ARHGAP22: variants seen among roughly 807,000 people sequenced by gnomAD.
ARHGAP22 encodes the protein rho GTPase-activating protein 22.
Under a neutral mutation model 59.1 loss-of-function variants are expected in ARHGAP22, and 48 were observed. That is an observed-to-expected ratio of 0.81 (90% CI 0.64 to 1.03). The LOEUF is 1.03. Among genes scored for constraint, ARHGAP22 ranks in the 50% least tolerant of loss-of-function variants. The pLI is 0.00. For synonymous variants in ARHGAP22, 445 were observed against 416.4 expected (o/e 1.07, Z -0.84); for missense variants, 1,015 against 958.7 (o/e 1.06, Z -0.78).
At chr10:48,595,480 GC>G (rs1039336465) in intron 1 of ARHGAP22, among the ~76,000 whole-genome samples, 2 of 152,102 alleles carry the variant, frequency 1.3e-5, no homozygotes, top group Non-Finnish European at 2.9e-5. Flanking sequence ...GTTCTTGAGT[GC>G]CCCTACTTTT....
the ARHGAP22 span, chr10:48,430,877 G>T: frequency 2.7e-6 from 1 of 370,032 alleles, no homozygotes; most frequent in Non-Finnish European, 4.9e-6. Flanking sequence ...AATGGTATGT[G>T]GTATGATGTG....
chr10:48,484,694 T>G (rs927430357), intron 3 of ARHGAP22, among the ~76,000 whole-genome samples: 2 of 152,250 alleles, frequency 1.3e-5, no homozygotes, highest in African/African-American at 4.8e-5. Context: ...CTTTACTAGT[T>G]TGTGTCTTTC....
At chr10:48,596,314 GAC>G (rs140310030) in intron 1 of ARHGAP22, among the ~76,000 whole-genome samples, 2,688 of 152,310 alleles carry the variant, frequency 0.018, 104 homozygotes, top group East Asian at 0.13. Context: ...GGAGACGCAA[GAC>G]ACACACCTGC....
intron 2 of ARHGAP22, among the ~76,000 whole-genome samples, chr10:48,561,690 A>G (rs2057696863): frequency 1.3e-5 from 2 of 152,238 alleles, no homozygotes; most frequent in Admixed American, 1.3e-4. Flanking sequence ...TAAACAGATA[A>G]TTACTATAGA....
chr10:48,600,750 T>A (rs1260567742), intron 1 of ARHGAP22, among the ~76,000 whole-genome samples: 1 of 152,170 alleles, frequency 6.6e-6, no homozygotes, highest in Non-Finnish European at 1.5e-5. Flanking sequence ...CTTGGTTCTC[T>A]CCATGGGGTG....
intron 3 of ARHGAP22, among the ~76,000 whole-genome samples, chr10:48,519,039 G>A (rs1412802896): frequency 6.6e-6 from 1 of 152,222 alleles, no homozygotes; most frequent in Non-Finnish European, 1.5e-5. Context: ...GAGTTTGCCA[G>A]CCAGAGGGCC....
chr10:48,467,169 C>G (rs1158764111), intron 4 of ARHGAP22, among the ~76,000 whole-genome samples: 1 of 152,248 alleles, frequency 6.6e-6, no homozygotes, highest in Non-Finnish European at 1.5e-5. Flanking sequence ...CCTGAGCAGT[C>G]TGAGGGGTAT....
chr10:48,489,097 T>C (rs1328728974), intron 3 of ARHGAP22, among the ~76,000 whole-genome samples: 1 of 152,238 alleles, frequency 6.6e-6, no homozygotes, highest in Admixed American at 6.5e-5. Context: ...TTTTCTTTTT[T>C]CTTTCTTTTC....
intron 3 of ARHGAP22, chr10:48,524,018 G>A: frequency 4.1e-6 from 6 of 1,454,298 alleles, no homozygotes; most frequent in East Asian, 2.9e-5. Flanking sequence ...GGCGGCGGCC[G>A]CAGGGAGCGG....
chr10:48,595,207 A>AGAAGTCCATGTCCCTACAAAGGATAT (rs1281306375), intron 1 of ARHGAP22, among the ~76,000 whole-genome samples: 1 of 152,232 alleles, frequency 6.6e-6, no homozygotes, highest in Non-Finnish European at 1.5e-5. Context: ...ATTGATTTAT[A>AGAAGTCCATGTCCCTACAAAGGATAT]GAAGTCAATG....
At chr10:48,576,142 C>T (rs191366412) in intron 2 of ARHGAP22, among the ~76,000 whole-genome samples, 25 of 152,348 alleles carry the variant, frequency 1.6e-4, no homozygotes, top group South Asian at 8.3e-4. Context: ...CTATGCCCTA[C>T]GTCAGAGACT....
At chr10:48,575,930 T>C (rs1373795) in intron 2 of ARHGAP22, among the ~76,000 whole-genome samples, 81,483 of 152,044 alleles carry the variant, frequency 0.54, 22,839 homozygotes, top group East Asian at 0.97. Flanking sequence ...CTGGTCCTGG[T>C]CAGCCCCTAT....
intron 1 of ARHGAP22, among the ~76,000 whole-genome samples, chr10:48,611,057 C>T (rs1370617839): frequency 6.6e-6 from 1 of 152,204 alleles, no homozygotes; most frequent in East Asian, 1.9e-4. Flanking sequence ...CTCTTTGATC[C>T]ACTTGGACAA....
intron 1 of ARHGAP22, among the ~76,000 whole-genome samples, chr10:48,641,426 C>A (rs1329741399): frequency 1.3e-5 from 2 of 152,114 alleles, no homozygotes; most frequent in African/African-American, 4.8e-5. Context: ...CCCTGGGATG[C>A]AAGGCTGGTT....
chr10:48,462,238 C>T (rs1245656348), intron 4 of ARHGAP22, among the ~76,000 whole-genome samples: 1 of 93,098 alleles, frequency 1.1e-5, no homozygotes, highest in Non-Finnish European at 2.0e-5. Flanking sequence ...TGGGTATGCA[C>T]ACTTCGGGGT....
At chr10:48,444,319 C>T (rs530573917), downstream of ARHGAP22, 5 of 152,318 alleles carry the variant, frequency 3.3e-5, no homozygotes, top group Admixed American at 1.3e-4. Flanking sequence ...GGTGGGGATA[C>T]TAGAGCCCCC....
chr10:48,440,849 T>C, the ARHGAP22 span, among the ~76,000 whole-genome samples: 2 of 152,282 alleles, frequency 1.3e-5, no homozygotes, highest in South Asian at 4.1e-4. Context: ...TGGTGACTGA[T>C]GGCCAAAGAT....
At chr10:48,525,559 C>A (rs2054251069) in intron 3 of ARHGAP22, among the ~76,000 whole-genome samples, 1 of 152,094 alleles carries the variant, frequency 6.6e-6, no homozygotes, top group African/African-American at 2.4e-5. Context: ...GGTGACAGAG[C>A]GAGATTCTGT....
chr10:48,629,255 C>T (rs2061550153), intron 1 of ARHGAP22, among the ~76,000 whole-genome samples: 1 of 152,188 alleles, frequency 6.6e-6, no homozygotes. Context: ...CCAGCTAACC[C>T]TCAGAGCTAA....
Sources: allele counts gnomAD v4.1 joint callset (sites outside exome capture counted in the v4.1 genomes callset), GRCh38; gene constraint gnomAD v4.1.1; transcripts MANE v1.5; gene names NCBI Gene and HGNC (gene_info 2026-07-23, HGNC 2026-07-21).